MEI4: variants seen among roughly 807,000 people sequenced by gnomAD.
The protein encoded by MEI4 is meiotic double-stranded break formation protein 4, also known as meiosis-specific protein MEI4.
A neutral mutation model predicts 31.4 loss-of-function variants in MEI4; 27 were observed. The ratio of observed to expected loss-of-function variants is 0.86; its 90% CI spans 0.63 to 1.19. MEI4 has a LOEUF of 1.19. Ranked by LOEUF, MEI4 falls within the 50% of genes most tolerant of loss-of-function variation. MEI4 has a pLI of 0.00. For missense variants in MEI4, 329 were observed against 398.9 expected, an observed-to-expected ratio of 0.82 and a Z score of 1.49; for synonymous variants, 122 against 145.4, an observed-to-expected ratio of 0.84 and a Z score of 1.16.
intron 3 of MEI4, among the ~76,000 whole-genome samples, chr6:77,778,509 T>C (rs1347264761): frequency 6.6e-6 from 1 of 151,896 alleles, no homozygotes; most frequent in Non-Finnish European, 1.5e-5. Context: ...AAGACCAGTC[T>C]GGACAACATG....
chr6:77,764,566 A>T (rs565070982), intron 3 of MEI4, among the ~76,000 whole-genome samples: 1 of 152,356 alleles, frequency 6.6e-6, no homozygotes, highest in East Asian at 1.9e-4. Flanking sequence ...AGAAAAATCA[A>T]TAAAGAAACA....
chr6:77,822,990 G>A (rs1769862537), intron 3 of MEI4, among the ~76,000 whole-genome samples: 1 of 152,010 alleles, frequency 6.6e-6, no homozygotes, highest in Admixed American at 6.6e-5. Context: ...ATAGGGACTA[G>A]CTGAGTCACT....
At chr6:77,714,153 G>A (rs1473978423) in intron 2 of MEI4, among the ~76,000 whole-genome samples, 1 of 151,426 alleles carries the variant, frequency 6.6e-6, no homozygotes, top group African/African-American at 2.4e-5. Flanking sequence ...CATTTAGATT[G>A]ATTCTATGTC....
chr6:77,920,872 T>C (rs759557515), intron 4 of MEI4, among the ~76,000 whole-genome samples: 13 of 151,930 alleles, frequency 8.6e-5, no homozygotes, highest in Non-Finnish European at 1.2e-4. Flanking sequence ...ACAGTAGGCT[T>C]AAAATATTCA....
At chr6:77,787,254 A>C (rs1768762884) in intron 3 of MEI4, among the ~76,000 whole-genome samples, 1 of 152,180 alleles carries the variant, frequency 6.6e-6, no homozygotes, top group Non-Finnish European at 1.5e-5. Flanking sequence ...GCCCTCCCAG[A>C]GACCCGCAGG....
chr6:77,900,138 A>G (rs2127734843), intron 4 of MEI4, among the ~76,000 whole-genome samples: 1 of 152,074 alleles, frequency 6.6e-6, no homozygotes, highest in Non-Finnish European at 1.5e-5. Flanking sequence ...TCAAAAAGCC[A>G]AAAAATAATT....
intron 3 of MEI4, among the ~76,000 whole-genome samples, chr6:77,786,674 C>T (rs924547098): frequency 2.6e-5 from 4 of 151,970 alleles, no homozygotes; most frequent in Non-Finnish European, 4.4e-5. Context: ...AGAGAATCTA[C>T]TAATGATTAG....
chr6:77,805,170 T>C (rs1252641897), intron 3 of MEI4, among the ~76,000 whole-genome samples: 1 of 152,112 alleles, frequency 6.6e-6, no homozygotes, highest in Non-Finnish European at 1.5e-5. Context: ...TATGTAAAAA[T>C]ATGATAAAAC....
intron 4 of MEI4, among the ~76,000 whole-genome samples, chr6:77,831,101 A>C (rs982306717): frequency 2.0e-5 from 3 of 151,816 alleles, no homozygotes; most frequent in Non-Finnish European, 4.4e-5. Flanking sequence ...AATACCTGAT[A>C]GACATTTCTC....
Position 77,831,936 on chromosome 6 carries a change from TAAAG to T in MEI4, c.900+2878_900+2881del, listed in dbSNP as rs527701040. ...GTGAAGAATTGTAATGTTTCCAACA[TAAAG>T]AAAAGATAAATGTTTGCAATGATAG... On this transcript the variant is annotated intron_variant, in intron 4 of 4. Transcript: ENST00000684080. Among the ~76,000 whole-genome samples the T allele has an allele frequency of 1.0e-3, 157 of 152,136 alleles. 5 individuals are homozygous for T. The South Asian group carries it at 0.032, about 31-fold the overall frequency.
At chr6:77,796,696 C>T (rs991722363) in intron 3 of MEI4, among the ~76,000 whole-genome samples, 4 of 152,070 alleles carry the variant, frequency 2.6e-5, no homozygotes, top group Non-Finnish European at 5.9e-5. Flanking sequence ...GTGAAAGAAA[C>T]TGAAAGACAA....
At chr6:77,892,258 G>T (rs1469234177) in intron 4 of MEI4, among the ~76,000 whole-genome samples, 1 of 152,174 alleles carries the variant, frequency 6.6e-6, no homozygotes, top group East Asian at 1.9e-4. Context: ...GGTGGTAAAG[G>T]CAACCTTTCC....
intron 2 of MEI4, among the ~76,000 whole-genome samples, chr6:77,733,510 T>A (rs1313823402): frequency 6.6e-6 from 1 of 152,146 alleles, no homozygotes; most frequent in Non-Finnish European, 1.5e-5. Flanking sequence ...TATTTGATTC[T>A]TCTCTCTTTT....
intron 2 of MEI4, among the ~76,000 whole-genome samples, chr6:77,720,454 T>C (rs1766686111): frequency 1.1e-5 from 1 of 93,494 alleles, no homozygotes; most frequent in African/African-American, 4.5e-5. Flanking sequence ...AATAAATGTT[T>C]TTTAACATGG....
rs73763512 is a variant in MEI4, at chr6:77,857,329, G to A, written c.900+28267G>A. ...AGCAAATAGTTGAAGCAGTGGGAAG[G>A]TTTTACTGATGAATTCACTGGGGAA... On this transcript the variant is annotated intron_variant, in intron 4 of 4. Transcript: ENST00000684080. 9.1e-3 allele frequency among the ~76,000 whole-genome samples: 1,392 copies of A among 152,256 alleles called. 17 individuals carry two copies. The highest frequency in any genetic ancestry group is 0.031 in the African/African-American group (1,288 of 41,536).
At chr6:77,684,242 G>A (rs781516447) in intron 1 of MEI4, among the ~76,000 whole-genome samples, 10 of 151,964 alleles carry the variant, frequency 6.6e-5, no homozygotes, top group Non-Finnish European at 1.2e-4. Flanking sequence ...AAACTCTTAC[G>A]TTTTTTAAAA....
chr6:77,742,422 T>A (rs1767435536), intron 2 of MEI4, among the ~76,000 whole-genome samples: 1 of 152,168 alleles, frequency 6.6e-6, no homozygotes, highest in Non-Finnish European at 1.5e-5. Flanking sequence ...ATGTCTTCTT[T>A]TGAGAAGTGT....
intron 2 of MEI4, among the ~76,000 whole-genome samples, chr6:77,743,315 T>TCTC (rs1186770755): frequency 1.3e-5 from 2 of 152,176 alleles, no homozygotes; most frequent in African/African-American, 4.8e-5. Flanking sequence ...GGTTTGTAGT[T>TCTC]CTCCTTGAAG....
At chr6:77,836,805 C>A (rs1770229042) in intron 4 of MEI4, among the ~76,000 whole-genome samples, 1 of 152,040 alleles carries the variant, frequency 6.6e-6, no homozygotes, top group South Asian at 2.1e-4. Flanking sequence ...GCTCAGTCAG[C>A]AATCAATCCA....
Sources: gnomAD v4.1 joint callset for allele counts (sites outside exome capture counted in the v4.1 genomes callset) on GRCh38, gnomAD v4.1.1 for gene constraint, MANE v1.5 for transcripts, NCBI Gene and HGNC (gene_info 2026-07-23, HGNC 2026-07-21) for gene names.